SIN3A: variants seen among roughly 807,000 people sequenced by gnomAD.
SIN3A encodes the protein SIN3 transcription regulator family member A.
In SIN3A, 14 loss-of-function variants were observed where a neutral mutation model predicts 146.1. That is an observed-to-expected ratio of 0.10 (90% CI 0.06 to 0.15). The LOEUF is 0.15. Among genes scored for constraint, SIN3A ranks in the 10% least tolerant of loss-of-function variants. The pLI, the probability that SIN3A is intolerant of heterozygous loss-of-function variation, is 1.00. For missense variants in SIN3A, 1,028 were observed against 1,576.0 expected (o/e 0.65, Z 5.89); for synonymous variants, 572 against 572.0 (o/e 1.00, Z 0.00).
upstream of SIN3A, among the ~76,000 whole-genome samples, chr15:75,454,555 G>GC (rs1466820570): frequency 1.3e-5 from 2 of 150,962 alleles, no homozygotes; most frequent in Admixed American, 6.6e-5. Context: ...TGACAGGCGC[G>GC]CCCCCCGCGC....
chr15:75,425,941 C>T (rs2073916508), intron 2 of SIN3A, among the ~76,000 whole-genome samples: 1 of 152,122 alleles, frequency 6.6e-6, no homozygotes, highest in Admixed American at 6.6e-5. Flanking sequence ...CATAAATCCA[C>T]AGAAACAAAA....
chr15:75,379,402 A>T (rs1233830075), intron 19 of SIN3A, among the ~76,000 whole-genome samples: 2 of 152,202 alleles, frequency 1.3e-5, no homozygotes, highest in Non-Finnish European at 2.9e-5. Context: ...TCTGGAGGGA[A>T]GATTCCATAC....
At chr15:75,405,420 T>G (rs1004017012) in intron 9 of SIN3A, among the ~76,000 whole-genome samples, 1 of 150,722 alleles carries the variant, frequency 6.6e-6, no homozygotes. Flanking sequence ...GCATCTAATA[T>G]TGAGTCCGTG....
chr15:75,404,768 T>TA (rs11347632), intron 9 of SIN3A, among the ~76,000 whole-genome samples: 34 of 148,214 alleles, frequency 2.3e-4, no homozygotes, highest in East Asian at 1.0e-3. Flanking sequence ...AGAAAAAAAA[T>TA]AAAAAAAAAA....
chr15:75,438,393 C>T (rs1225213582), intron 1 of SIN3A, among the ~76,000 whole-genome samples: 3 of 149,010 alleles, frequency 2.0e-5, no homozygotes, highest in South Asian at 2.1e-4. Flanking sequence ...AAAAAAAAAA[C>T]GGGTGGGATG....
chr15:75,415,571 G>T, intron 3 of SIN3A: 1 of 184,132 alleles, frequency 5.4e-6, no homozygotes. Flanking sequence ...AAGGATGCAG[G>T]CTGGGCGCAG....
intron 12 of SIN3A, 146 bp downstream of exon 12, chr15:75,399,894 G>T (rs759058637): frequency 3.2e-6 from 2 of 632,314 alleles, no homozygotes; most frequent in Non-Finnish European, 2.9e-6. Context: ...AATGCATAAA[G>T]CATGGAAAGT....
At chr15:75,392,152 C>G (rs1363096527) in intron 15 of SIN3A, 90 bp downstream of exon 15, 2 of 1,125,736 alleles carry the variant, frequency 1.8e-6, no homozygotes, top group Non-Finnish European at 2.6e-6. Flanking sequence ...TGCCTGTGCT[C>G]TATTAATAAA....
At position 75,410,091 on chromosome 15, in the gene SIN3A, G is replaced by C. The variant is rs201329754; in HGVS notation, c.1161+43C>G. On this transcript the variant is annotated intron_variant, in intron 7 of 20. Transcript: ENST00000394947. Reference sequence around the variant, plus strand: ...GAGCACAGTTTTCCAACTCATCTAAGATAATAATAGTAAATAGTGTAATTC... The same window carrying C: ...GAGCACAGTTTTCCAACTCATCTAACATAATAATAGTAAATAGTGTAATTC... 54 of 1,604,442 alleles carry C rather than the reference G, an allele frequency of 3.4e-5. No homozygotes were observed. In the Middle Eastern group the frequency reaches 8.3e-4, roughly 25 times the overall value.
rs181504842 is a variant in SIN3A at position 75,408,558 on chromosome 15, A to C, written c.1317+1278T>G. 2.3e-3 allele frequency among the ~76,000 whole-genome samples: 346 copies of C among 152,340 alleles called. 2 individuals are homozygous for C. The highest frequency in any genetic ancestry group is 0.014 in the Middle Eastern group (4 of 294). ...GAAGAATTAAACATTCAATACATAC[A>C]ACTAGCCCTCTCCCTATCATAGCTG... On this transcript the variant is annotated intron_variant, in intron 8 of 20. Coordinates refer to ENST00000394947, the MANE Select transcript of SIN3A (RefSeq NM_001145358.2).
chr15:75,421,096 T>C (rs957079185), intron 3 of SIN3A: 1 of 152,226 alleles, frequency 6.6e-6, no homozygotes, highest in East Asian at 1.9e-4. Context: ...GAAATACATA[T>C]GTTTTTGTTA....
chr15:75,396,562 G>T, intron 12 of SIN3A, 66 bp from the exon 13 acceptor site: 3 of 1,160,032 alleles, frequency 2.6e-6, no homozygotes, highest in Non-Finnish European at 3.8e-6. Flanking sequence ...GTAGTGTTTA[G>T]AAGAATAAGG....
intron 11 of SIN3A, 111 bp from the exon 12 acceptor site, chr15:75,400,267 A>G: frequency 1.6e-6 from 1 of 643,524 alleles, no homozygotes; most frequent in Non-Finnish European, 2.8e-6. Flanking sequence ...AACTAATATT[A>G]CTTCACAAAT....
chr15:75,426,920 A>T (rs1421081864), intron 2 of SIN3A, among the ~76,000 whole-genome samples: 2 of 151,628 alleles, frequency 1.3e-5, no homozygotes, highest in Non-Finnish European at 2.9e-5. Flanking sequence ...CGAGAGTGTG[A>T]CTCTGTCTCA....
intron 9 of SIN3A, among the ~76,000 whole-genome samples, chr15:75,406,685 C>CAA (rs1018379735): frequency 6.9e-6 from 1 of 144,232 alleles, no homozygotes; most frequent in Non-Finnish European, 1.5e-5. Context: ...GACTCCGTCT[C>CAA]AAAAAAAAAA....
chr15:75,449,143 C>A (rs1318712239), intron 1 of SIN3A, among the ~76,000 whole-genome samples: 1 of 152,214 alleles, frequency 6.6e-6, no homozygotes, highest in African/African-American at 2.4e-5. Flanking sequence ...AATGGTCAAT[C>A]GTTCTCCACT....
chr15:75,392,880 C>T, intron 14 of SIN3A, 65 bp from the exon 15 acceptor site: 2 of 1,170,868 alleles, frequency 1.7e-6, no homozygotes, highest in Non-Finnish European at 2.4e-6. Flanking sequence ...TCTACAAGAC[C>T]ACATCAGCCA....
At chr15:75,454,458 C>A (rs1385277041), upstream of SIN3A, among the ~76,000 whole-genome samples, 2 of 151,212 alleles carry the variant, frequency 1.3e-5, no homozygotes, top group Non-Finnish European at 3.0e-5. Flanking sequence ...GACTGGGCCC[C>A]TGCGCCGCCT....
intron 4 of SIN3A, 72 bp downstream of exon 4, chr15:75,414,133 T>A: frequency 1.4e-6 from 1 of 712,932 alleles, no homozygotes; most frequent in Non-Finnish European, 2.1e-6. Flanking sequence ...TTCCAGTAAA[T>A]AAACTATATC....
Sources: gnomAD v4.1 joint callset for allele counts (sites outside exome capture counted in the v4.1 genomes callset) on GRCh38, gnomAD v4.1.1 for gene constraint, MANE v1.5 for transcripts, NCBI Gene and HGNC (gene_info 2026-07-23, HGNC 2026-07-21) for gene names.